Variants in KHDRBS3 observed in about 807,000 individuals in gnomAD.
The protein encoded by KHDRBS3 is KH domain-containing, RNA-binding, signal transduction-associated protein 3.
In KHDRBS3, 23 loss-of-function variants were observed where a neutral mutation model predicts 45.6. The ratio of observed to expected loss-of-function variants is 0.50; its 90% CI spans 0.36 to 0.72. The LOEUF (loss-of-function observed/expected upper bound fraction) is 0.72, where lower values mean the gene tolerates loss of function less well. KHDRBS3 is among the 30% of genes least tolerant of loss of function. KHDRBS3 has a pLI of 0.00. For missense variants in KHDRBS3, 352 were observed against 424.8 expected (o/e 0.83, Z 1.51); for synonymous variants, 162 against 156.5 (o/e 1.04, Z -0.26).
chr8:135,485,842 TTATATATATA>T (rs34886021), intron 1 of KHDRBS3, among the ~76,000 whole-genome samples: 3,246 of 120,320 alleles, frequency 0.027, 265 homozygotes, highest in African/African-American at 0.11. Context: ...CATTTCAAGT[TTATATATATA>T]TATATATATA....
intron 6 of KHDRBS3, among the ~76,000 whole-genome samples, chr8:135,593,711 C>T (rs1328291905): frequency 6.6e-6 from 1 of 152,202 alleles, no homozygotes; most frequent in Non-Finnish European, 1.5e-5. Flanking sequence ...CTCCTGGCCT[C>T]AAGCAACCCT....
chr8:135,525,669 T>C (rs1825143651), intron 2 of KHDRBS3, among the ~76,000 whole-genome samples: 1 of 152,154 alleles, frequency 6.6e-6, no homozygotes, highest in Non-Finnish European at 1.5e-5. Context: ...GAAAATTACG[T>C]TACAAACATT....
chr8:135,607,804 A>G (rs548047271), intron 7 of KHDRBS3, among the ~76,000 whole-genome samples: 1 of 152,332 alleles, frequency 6.6e-6, no homozygotes, highest in Middle Eastern at 3.4e-3. Flanking sequence ...ATGAAACACA[A>G]ATTCACTTTT....
intron 1 of KHDRBS3, among the ~76,000 whole-genome samples, chr8:135,485,803 A>G (rs1027460509): frequency 3.4e-5 from 5 of 146,302 alleles, no homozygotes; most frequent in African/African-American, 1.3e-4. Flanking sequence ...GCATCCTAGT[A>G]ACACTATGAG....
At chr8:135,469,817 G>C (rs971980626) in intron 1 of KHDRBS3, among the ~76,000 whole-genome samples, 2 of 152,118 alleles carry the variant, frequency 1.3e-5, no homozygotes, top group Non-Finnish European at 2.9e-5. Context: ...GTGAGCCACC[G>C]CGCCCGGCCA....
chr8:135,610,876 G>A (rs1277327807), intron 7 of KHDRBS3, among the ~76,000 whole-genome samples: 2 of 151,794 alleles, frequency 1.3e-5, no homozygotes, highest in South Asian at 2.1e-4. Flanking sequence ...AGGAGTGACA[G>A]CATGTTTCCT....
chr8:135,594,229 TGG>T, intron 6 of KHDRBS3, among the ~76,000 whole-genome samples: 1 of 152,182 alleles, frequency 6.6e-6, no homozygotes. Context: ...ACTACATTGT[TGG>T]GTTGGGTGAC....
intron 7 of KHDRBS3, among the ~76,000 whole-genome samples, chr8:135,637,721 G>T (rs1448972081): frequency 6.6e-6 from 1 of 152,020 alleles, no homozygotes; most frequent in Non-Finnish European, 1.5e-5. Context: ...TGTATCTGTT[G>T]GAATGCTGCT....
intron 1 of KHDRBS3, among the ~76,000 whole-genome samples, chr8:135,476,819 A>G (rs1822314089): frequency 1.3e-5 from 2 of 152,226 alleles, no homozygotes; most frequent in Admixed American, 6.5e-5. Context: ...TAGAGTAAGG[A>G]TAAAAAAGGT....
intron 6 of KHDRBS3, among the ~76,000 whole-genome samples, chr8:135,604,568 T>G (rs923079215): frequency 1.3e-5 from 2 of 151,988 alleles, no homozygotes; most frequent in Non-Finnish European, 2.9e-5. Flanking sequence ...TTCTACATTT[T>G]TATTTTTAAA....
At chr8:135,615,839 A>T (rs1437759843) in intron 7 of KHDRBS3, among the ~76,000 whole-genome samples, 5 of 152,160 alleles carry the variant, frequency 3.3e-5, no homozygotes, top group African/African-American at 7.2e-5. Context: ...TGCACTGAGC[A>T]TTTGTGTCAC....
intron 2 of KHDRBS3, among the ~76,000 whole-genome samples, chr8:135,528,963 A>G (rs772300946): frequency 1.3e-5 from 2 of 152,200 alleles, no homozygotes; most frequent in East Asian, 1.9e-4. Flanking sequence ...CATTGAAACC[A>G]TAGCAGCTGG....
intron 6 of KHDRBS3, among the ~76,000 whole-genome samples, chr8:135,590,812 A>G (rs918788528): frequency 6.6e-6 from 1 of 152,218 alleles, no homozygotes; most frequent in African/African-American, 2.4e-5. Flanking sequence ...ACTATTCTCT[A>G]AATCATTTAA....
intron 4 of KHDRBS3, among the ~76,000 whole-genome samples, chr8:135,554,306 T>C (rs2130819163): frequency 6.6e-6 from 1 of 152,332 alleles, no homozygotes; most frequent in African/African-American, 2.4e-5. Context: ...GTGTTCTTTT[T>C]GCATGAATCT....
At chr8:135,482,541 T>C (rs1371919270) in intron 1 of KHDRBS3, among the ~76,000 whole-genome samples, 1 of 152,206 alleles carries the variant, frequency 6.6e-6, no homozygotes, top group African/African-American at 2.4e-5. Flanking sequence ...CTTATGCTTC[T>C]GCAGACCCAA....
At chr8:135,513,844 G>C (rs1824432570) in intron 1 of KHDRBS3, among the ~76,000 whole-genome samples, 1 of 151,958 alleles carries the variant, frequency 6.6e-6, no homozygotes, top group African/African-American at 2.4e-5. Context: ...AAGAGCTATA[G>C]TCATGTCTCC....
At chr8:135,539,732 T>A (rs553689669) in intron 2 of KHDRBS3, 1 of 152,248 alleles carries the variant, frequency 6.6e-6, no homozygotes, top group East Asian at 1.9e-4. Context: ...GAGATAGAAG[T>A]AACTTGACTA....
intron 7 of KHDRBS3, among the ~76,000 whole-genome samples, chr8:135,612,969 C>CG (rs1309136840): frequency 6.6e-6 from 1 of 151,786 alleles, no homozygotes; most frequent in African/African-American, 2.4e-5. Context: ...GGAAAGCTCT[C>CG]TATTACAGTG....
intron 2 of KHDRBS3, among the ~76,000 whole-genome samples, chr8:135,531,106 A>C (rs1825451645): frequency 6.6e-6 from 1 of 152,206 alleles, no homozygotes; most frequent in African/African-American, 2.4e-5. Flanking sequence ...AAATGCAGAT[A>C]GCAAGTATGT....
Sources: gnomAD v4.1 joint callset for allele counts (sites outside exome capture counted in the v4.1 genomes callset) on GRCh38, gnomAD v4.1.1 for gene constraint, MANE v1.5 for transcripts, NCBI Gene and HGNC (gene_info 2026-07-23, HGNC 2026-07-21) for gene names.